The following MIER2 variants were observed in gnomAD, a reference collection of about 807,000 sequenced individuals.
The protein encoded by MIER2 is MIER family member 2, also known as mesoderm induction early response protein 2.
In MIER2, 30 loss-of-function variants were observed where a neutral mutation model predicts 67.6. The ratio of observed to expected loss-of-function variants is 0.44; its 90% confidence interval spans 0.33 to 0.60. The LOEUF is 0.60. MIER2 is among the 20% of genes least tolerant of loss of function. MIER2 has a pLI of 0.02. For synonymous variants in MIER2, 372 were observed against 312.6 expected, an observed-to-expected ratio of 1.19 and a Z score of -2.00; for missense variants, 702 against 745.1, an observed-to-expected ratio of 0.94 and a Z score of 0.67.
Position 327,995 on chromosome 19 carries a change from T to A in MIER2, c.244-6A>T. ...TCAAAGGGCATGTCGTTGCTCTGAGTTGGGGAAGGGAACAAGGCCCCATCA... is the reference window on the plus strand; with the variant it reads ...TCAAAGGGCATGTCGTTGCTCTGAGATGGGGAAGGGAACAAGGCCCCATCA... On this transcript the variant is annotated splice_polypyrimidine_tract_variant and splice_region_variant and intron_variant, in intron 3 of 13. Coordinates refer to ENST00000264819, the MANE Select transcript of MIER2 (RefSeq NM_017550.3). 6.2e-7 allele frequency: 1 copy of A among 1,612,874 alleles called. No individual in the cohort carries two copies. Among genetic ancestry groups the A allele is most frequent in the South Asian group, 1.1e-5 (1 of 91,022 alleles).
chr19:313,085 G>GGCCACC (rs1431266717), intron 8 of MIER2, among the ~76,000 whole-genome samples: 15 of 80,670 alleles, frequency 1.9e-4, no homozygotes, highest in Admixed American at 6.6e-4. Flanking sequence ...GCGATGTCAG[G>GGCCACC]GCCACCTACA....
Position 327,896 on chromosome 19 carries a change from C to A in MIER2, c.337G>T (p.Ala113Ser), listed in dbSNP as rs147685720. The A allele has an allele frequency of 1.6e-5, 25 of 1,612,336 alleles. No homozygotes were observed. The highest frequency in any genetic ancestry group is 2.1e-5 in the Non-Finnish European group (25 of 1,179,216). Residue 113 changes from alanine to serine, a missense_variant, in exon 4 of 14, where the codon GCC becomes TCC. Coordinates refer to ENST00000264819, the MANE Select transcript of MIER2 (RefSeq NM_017550.3). ...SDRESEGGDV[A>S]PNLPDMTLDK... is the part of the protein sequence containing the mutation. ...AGGGTCATGTCTGGGAGGTTCGGGGCCACGTCACCACCCTCACTCTCCCGG... is the reference window on the plus strand; with the variant it reads ...AGGGTCATGTCTGGGAGGTTCGGGGACACGTCACCACCCTCACTCTCCCGG...
chr19:307,277 A>G lies in MIER2; in HGVS notation c.1458T>C (p.His486=), dbSNP rs1381076041. The change falls in exon 13 of 14, where the codon CAT becomes CAC. Residue 486 remains histidine (H), a synonymous_variant. Transcript: ENST00000264819. ...LPKELPLISS[H]VDLSGDPEET... is the part of the protein sequence containing the mutation. ...CCTCCGGATCCCCGCTGAGGTCCAC[A>G]TGGCTGGAGATGAGGGGCAGCTCCT... The G allele has an allele frequency of 1.3e-6, 2 of 1,599,220 alleles. No homozygotes were observed. Among genetic ancestry groups the G allele is most frequent in the South Asian group, 1.1e-5 (1 of 88,560 alleles).
At chr19:342,495 C>G (rs906377370) in intron 1 of MIER2, among the ~76,000 whole-genome samples, 10 of 151,634 alleles carry the variant, frequency 6.6e-5, no homozygotes, top group African/African-American at 2.4e-4. Context: ...GACCACCTCA[C>G]AGGGCTGTGG....
rs1255405005 is a variant in MIER2 at position 324,237 on chromosome 19, CA to C, written c.655+1397del. 4.7e-4 allele frequency among the ~76,000 whole-genome samples: 61 copies of C among 131,146 alleles called. 3 individuals carry two copies. Among genetic ancestry groups the C allele is most frequent in the Non-Finnish European group, 8.8e-4 (56 of 63,436 alleles). The allele number at this position is 131,146 out of a possible 152,430, so 86.0% of individuals were successfully genotyped here. ...ACAGACGTCATCACAATGCAATACA[CA>C]AGACACACACAACCACGCAGACAAC... On this transcript the variant is annotated intron_variant, in intron 7 of 13. Coordinates refer to ENST00000264819, the MANE Select transcript of MIER2 (RefSeq NM_017550.3).
intron 10 of MIER2, 96 bp from the exon 11 acceptor site, chr19:309,021 C>G: frequency 6.6e-7 from 1 of 1,504,488 alleles, no homozygotes; most frequent in Non-Finnish European, 9.0e-7. Context: ...CGGGACAGCA[C>G]AGAAGGAGCA....
At chr19:324,345 C>T (rs527416486) in intron 7 of MIER2, among the ~76,000 whole-genome samples, 3 of 141,118 alleles carry the variant, frequency 2.1e-5, no homozygotes, top group Non-Finnish European at 3.0e-5. Context: ...CAGACGTCAT[C>T]ACAATGCAAT....
At chr19:325,327 G>A (rs1242257829) in intron 7 of MIER2, among the ~76,000 whole-genome samples, 1 of 152,236 alleles carries the variant, frequency 6.6e-6, no homozygotes, top group East Asian at 1.9e-4. Flanking sequence ...AGCGGCCCAG[G>A]CTGTGGGGAG....
chr19:335,428 G>A (rs1035607113), intron 2 of MIER2, among the ~76,000 whole-genome samples: 1 of 152,222 alleles, frequency 6.6e-6, no homozygotes. Flanking sequence ...GGGTGCGCCC[G>A]GACCCTCAGT....
In MIER2 at chr19:312,219, C is replaced by T. The variant is rs1161572507; in HGVS notation, c.861G>A (p.Arg287=). The change falls in exon 9 of 14, where the codon AGG becomes AGA. Residue 287 remains arginine (R), a synonymous_variant. Transcript: ENST00000264819. Reference sequence around the variant, plus strand: ...GGATCACCTTCACGTTGAACCGCAGCCTTCGCAGGGCCTCCTCCACATTGA... The same window carrying T: ...GGATCACCTTCACGTTGAACCGCAGTCTTCGCAGGGCCTCCTCCACATTGA... The part of the protein sequence containing the change: ...CNFNVEEALR[R]LRFNVKVIRD... The T allele has an allele frequency of 2.5e-6, 4 of 1,613,966 alleles. No individual in the cohort carries two copies. The highest frequency in any genetic ancestry group is 3.4e-6 in the Non-Finnish European group (4 of 1,179,900).
chr19:315,575 G>C (rs1179016778), intron 7 of MIER2, among the ~76,000 whole-genome samples: 4 of 152,180 alleles, frequency 2.6e-5, no homozygotes, highest in Non-Finnish European at 2.9e-5. Flanking sequence ...TACCCGAATG[G>C]ACCCACTGAA....
At chr19:339,206 A>G (rs952069334) in intron 1 of MIER2, among the ~76,000 whole-genome samples, 3 of 152,184 alleles carry the variant, frequency 2.0e-5, no homozygotes, top group Admixed American at 6.5e-5. Context: ...CTGAAAAATA[A>G]TCTATCTGAT....
At chr19:328,171 T>C (rs193165816) in intron 3 of MIER2, among the ~76,000 whole-genome samples, 182 bp from the exon 4 acceptor site, 308 of 152,160 alleles carry the variant, frequency 2.0e-3, no homozygotes, top group Non-Finnish European at 3.9e-3. Flanking sequence ...CAAGAGCTCC[T>C]TTACAATCCC....
intron 7 of MIER2, among the ~76,000 whole-genome samples, chr19:325,182 C>T (rs543126063): frequency 6.6e-6 from 1 of 152,354 alleles, no homozygotes; most frequent in Admixed American, 6.5e-5. Flanking sequence ...ATTTTGAACT[C>T]TAGTGGGAAA....
chr19:325,425 C>G (rs1185388661), intron 7 of MIER2, among the ~76,000 whole-genome samples: 2 of 152,062 alleles, frequency 1.3e-5, no homozygotes, highest in African/African-American at 4.8e-5. Flanking sequence ...CAGAGCAGAC[C>G]CCAAGGGAGG....
rs1379710132 is a variant in MIER2, at chr19:328,106, G to C, written c.244-117C>G. 4 of 1,398,012 alleles carry C rather than the reference G, an allele frequency of 2.9e-6. No individual in the cohort carries two copies. In the African/African-American group the frequency reaches 4.4e-5, roughly 16 times the overall value. The allele number at this position is 1,398,012 out of a possible 1,614,324, so 86.6% of individuals were successfully genotyped here. A position where few individuals can be genotyped will look rare whatever the true frequency, so the allele number is the denominator to read the frequency against. ...CCAGGGCCACTCTGTCACACCCATA[G>C]CAACTCCCCACATGGCAGCACTCCC... is the stretch of plus-strand genomic sequence containing the variant. On this transcript the variant is annotated intron_variant, in intron 3 of 13. Coordinates refer to ENST00000264819, the MANE Select transcript of MIER2 (RefSeq NM_017550.3).
intron 3 of MIER2, among the ~76,000 whole-genome samples, chr19:328,864 G>A (rs752346006): frequency 9.9e-5 from 15 of 152,188 alleles, no homozygotes; most frequent in Non-Finnish European, 1.8e-4. Flanking sequence ...TCACGATCTG[G>A]AACAAGAGCA....
chr19:334,247 C>T (rs1055864311), intron 3 of MIER2, 153 bp downstream of exon 3: 15 of 1,127,216 alleles, frequency 1.3e-5, no homozygotes, highest in Non-Finnish European at 1.9e-5. Context: ...CTGGTCTCCA[C>T]TGAATTTCAG....
At position 312,225 on chromosome 19, in the gene MIER2, C is replaced by T. The variant is rs763608380; in HGVS notation, c.855G>A (p.Leu285=). 6.2e-6 allele frequency: 10 copies of T among 1,613,976 alleles called. No individual in the cohort carries two copies. Among genetic ancestry groups the T allele is most frequent in the Non-Finnish European group, 8.5e-6 (10 of 1,179,902 alleles). ...VKCNFNVEEA[L]RRLRFNVKVI... ...CCTTCACGTTGAACCGCAGCCTTCGCAGGGCCTCCTCCACATTGAAGTTGC... is the reference window on the plus strand; with the variant it reads ...CCTTCACGTTGAACCGCAGCCTTCGTAGGGCCTCCTCCACATTGAAGTTGC... Residue 285 remains leucine (L), a synonymous_variant, in exon 9 of 14, where the codon CTG becomes CTA. Transcript: ENST00000264819.
Sources: gnomAD v4.1 joint callset for allele counts (sites outside exome capture counted in the v4.1 genomes callset) on GRCh38, gnomAD v4.1.1 for gene constraint, MANE v1.5 for transcripts, NCBI Gene and HGNC (gene_info 2026-07-23, HGNC 2026-07-21) for gene names.